Variants in ZC3H4 observed in about 807,000 individuals in gnomAD.
The protein encoded by ZC3H4 is zinc finger CCCH domain-containing protein 4.
ZC3H4 carries 13 observed loss-of-function variants against 108.3 expected under a neutral mutation model. That is an observed-to-expected ratio of 0.12 (90% CI 0.08 to 0.19). ZC3H4 has a LOEUF of 0.19. Ranked by LOEUF, ZC3H4 falls within the 10% of genes least tolerant of loss-of-function variation. The pLI is 1.00. For missense variants in ZC3H4, 1,734 were observed against 1,838.8 expected (o/e 0.94, Z 1.04); for synonymous variants, 917 against 749.6 (o/e 1.22, Z -3.65).
intron 5 of ZC3H4, among the ~76,000 whole-genome samples, chr19:47,088,285 C>A (rs974499924): frequency 6.6e-6 from 1 of 151,988 alleles, no homozygotes; most frequent in Non-Finnish European, 1.5e-5. Flanking sequence ...CAGTGGCTCA[C>A]GCCTGTAATC....
chr19:47,069,177 C>T lies in ZC3H4; in HGVS notation c.2313G>A (p.Leu771=). ...FLPSAQRALY[L]RIQQKQQEEE... is the part of the protein sequence containing the mutation. Reference sequence around the variant, plus strand: ...CCTCCTGCTGCTTCTGCTGGATCCTCAGGTACAGGGCCCTCTGGGCTGAGG... The same window carrying T: ...CCTCCTGCTGCTTCTGCTGGATCCTTAGGTACAGGGCCCTCTGGGCTGAGG... The change falls in exon 14 of 15, where the codon CTG becomes CTA. Residue 771 remains leucine (L), a synonymous_variant. Transcript: ENST00000253048. 1 of 1,610,204 alleles carries T rather than the reference C, an allele frequency of 6.2e-7. No homozygotes were observed. Among genetic ancestry groups the T allele is most frequent in the Non-Finnish European group, 8.5e-7 (1 of 1,179,978 alleles).
intron 5 of ZC3H4, among the ~76,000 whole-genome samples, chr19:47,089,383 G>A (rs915644471): frequency 6.6e-6 from 1 of 151,988 alleles, no homozygotes; most frequent in Non-Finnish European, 1.5e-5. Context: ...GCTGTTGTTG[G>A]TCAGGCTGGT....
chr19:47,110,789 TC>T (rs2058028842), intron 2 of ZC3H4: 1 of 574,426 alleles, frequency 1.7e-6, no homozygotes, highest in Non-Finnish European at 2.2e-6. Flanking sequence ...CCTTTGCTAA[TC>T]TGTTTATTTC....
At chr19:47,107,326 A>G (rs1247022446) in intron 2 of ZC3H4, among the ~76,000 whole-genome samples, 1 of 152,148 alleles carries the variant, frequency 6.6e-6, no homozygotes, top group Non-Finnish European at 1.5e-5. Context: ...GAATGCTGGC[A>G]TTGTGTGGGT....
intron 11 of ZC3H4, among the ~76,000 whole-genome samples, chr19:47,081,108 T>C (rs2057514176): frequency 6.6e-6 from 1 of 152,066 alleles, no homozygotes; most frequent in Non-Finnish European, 1.5e-5. Flanking sequence ...GCTACATGCC[T>C]AGGCTGGTCT....
At chr19:47,083,864 T>C (rs977058946) in intron 9 of ZC3H4, among the ~76,000 whole-genome samples, 2 of 152,184 alleles carry the variant, frequency 1.3e-5, no homozygotes, top group Admixed American at 6.5e-5. Flanking sequence ...GCTGAACTAA[T>C]ACTGGGTTAT....
chr19:47,110,520 T>G (rs559087765), intron 2 of ZC3H4, among the ~76,000 whole-genome samples: 1 of 152,280 alleles, frequency 6.6e-6, no homozygotes, highest in African/African-American at 2.4e-5. Flanking sequence ...AGAATCCTGA[T>G]TCGAACATAT....
intron 4 of ZC3H4, among the ~76,000 whole-genome samples, chr19:47,093,405 G>T (rs1473600686): frequency 6.6e-6 from 1 of 152,020 alleles, no homozygotes; most frequent in Non-Finnish European, 1.5e-5. Context: ...TTCCCAAAAA[G>T]GTCATTTGTG....
At chr19:47,113,486 G>A (rs2058066174) in intron 1 of ZC3H4, 1 of 152,928 alleles carries the variant, frequency 6.5e-6, no homozygotes, top group Non-Finnish European at 1.5e-5. Context: ...GTCCGGGTGG[G>A]TGGCAGGAGG....
intron 2 of ZC3H4, among the ~76,000 whole-genome samples, chr19:47,107,380 G>C (rs1365069427): frequency 6.6e-6 from 1 of 152,112 alleles, no homozygotes; most frequent in African/African-American, 2.4e-5. Flanking sequence ...CTGAGAAGTG[G>C]GCATTTTATA....
At chr19:47,077,405 T>G (rs1438865462) in intron 11 of ZC3H4, among the ~76,000 whole-genome samples, 3 of 150,270 alleles carry the variant, frequency 2.0e-5, no homozygotes, top group Non-Finnish European at 4.4e-5. Flanking sequence ...GAGGCGGAGG[T>G]TGCAGTGAGC....
chr19:47,067,882 A>G lies in ZC3H4; in HGVS notation c.2399-13T>C. ...TTTCCGGTGTCACCTGGGAAAGAAC[A>G]GAGGAGCAGGGAGGGGTGAGTGGGC... On this transcript the variant is annotated splice_polypyrimidine_tract_variant and intron_variant, in intron 14 of 14. Coordinates refer to ENST00000253048, the MANE Select transcript of ZC3H4 (RefSeq NM_015168.2). The surrounding 1 kb of genome is among the most constrained non-coding windows in gnomAD (Gnocchi z 6.4). 1.3e-6 allele frequency: 2 copies of G among 1,575,068 alleles called. No individual in the cohort carries two copies. The highest frequency in any genetic ancestry group is 2.3e-5 in the East Asian group (1 of 43,312).
rs370889423 is a variant in ZC3H4 at position 47,084,452 on chromosome 19, C to G, written c.1111G>C (p.Gly371Arg). 5 of 1,614,150 alleles carry G rather than the reference C, an allele frequency of 3.1e-6. No homozygotes were observed. The highest frequency in any genetic ancestry group is 4.2e-6 in the Non-Finnish European group (5 of 1,180,016). The part of the protein sequence containing the change: ...EDFYDEDMGD[G>R]GGGSYRSRDH... ...CGACTCCGGTAGCTTCCACCACCAC[C>G]GTCCTGCAATGGACAGGGTGTGGAC... Residue 371 changes from glycine to arginine, a missense_variant, in exon 9 of 15, where the codon GGT becomes CGT. This residue lies in a region of ZC3H4 where 403 missense variants were observed against 457.0 expected (regional missense o/e 0.88). Coordinates refer to ENST00000253048, the MANE Select transcript of ZC3H4 (RefSeq NM_015168.2).
chr19:47,095,904 C>T (rs147265224), intron 2 of ZC3H4, among the ~76,000 whole-genome samples: 23 of 152,278 alleles, frequency 1.5e-4, no homozygotes, highest in Non-Finnish European at 2.9e-4. Context: ...ATCACGAGCC[C>T]AGGCCCCAAA....
chr19:47,096,778 A>C (rs953246555), intron 2 of ZC3H4: 2 of 984,886 alleles, frequency 2.0e-6, no homozygotes, highest in Non-Finnish European at 1.2e-6. Context: ...TTTAAATGCC[A>C]TATCTGTGCC....
At chr19:47,080,834 T>C (rs916935195) in intron 11 of ZC3H4, among the ~76,000 whole-genome samples, 1 of 152,176 alleles carries the variant, frequency 6.6e-6, no homozygotes, top group African/African-American at 2.4e-5. Context: ...GGTTTTGCCA[T>C]GTTGGCCAGG....
At chr19:47,076,162 C>A (rs408885) in intron 11 of ZC3H4, among the ~76,000 whole-genome samples, 1 of 152,224 alleles carries the variant, frequency 6.6e-6, no homozygotes, top group East Asian at 1.9e-4. Context: ...CTCAAATGTC[C>A]TTCAACGGAT....
chr19:47,073,388 G>C lies in ZC3H4; in HGVS notation c.1441-675C>G, dbSNP rs138344721. On this transcript the variant is annotated intron_variant, in intron 11 of 14. Transcript: ENST00000253048. ...AGTTTGAGGCCAGCCTGGCCAACAT[G>C]GTGAAACCCCATCTCTACTAAAAAT... Among the ~76,000 whole-genome samples the C allele has an allele frequency of 1.0e-2, 1,519 of 152,180 alleles. 13 individuals are homozygous for C. The highest frequency in any genetic ancestry group is 0.016 in the South Asian group (75 of 4,812).
At chr19:47,102,723 T>A (rs1401383780) in intron 2 of ZC3H4, among the ~76,000 whole-genome samples, 1 of 145,768 alleles carries the variant, frequency 6.9e-6, no homozygotes, top group African/African-American at 2.6e-5. Flanking sequence ...ACCAAAGACA[T>A]CTGGATAGAG....
Sources: gnomAD v4.1 joint callset for allele counts (sites outside exome capture counted in the v4.1 genomes callset) on GRCh38, gnomAD v4.1.1 for gene constraint, gnomAD v4.1.1 regional missense constraint, Gnocchi (gnomAD v3.1) non-coding constraint, MANE v1.5 for transcripts, NCBI Gene and HGNC (gene_info 2026-07-23, HGNC 2026-07-21) for gene names.